The following MYOT variants were observed in gnomAD, a reference collection of about 807,000 sequenced individuals.
MYOT encodes myotilin.
In MYOT, 36 loss-of-function variants were observed where a neutral mutation model predicts 58.0. That is an observed-to-expected ratio of 0.62 (90% confidence interval 0.48 to 0.82). The LOEUF (loss-of-function observed/expected upper bound fraction) is 0.82, where lower values mean the gene tolerates loss of function less well. MYOT is among the 40% of genes least tolerant of loss of function. The pLI is 0.00. For missense variants in MYOT, 505 were observed against 592.1 expected (o/e 0.85, Z 1.53); for synonymous variants, 218 against 204.6 (o/e 1.07, Z -0.56).
chr5:137,876,074 A>G, intron 3 of MYOT, 71 bp downstream of exon 3: 1 of 1,488,498 alleles, frequency 6.7e-7, no homozygotes, highest in African/African-American at 1.4e-5. Flanking sequence ...AGGAAGTTCT[A>G]GCTCACAGAT....
chr5:137,877,384 A>AT, intron 3 of MYOT, 136 bp from the exon 4 acceptor site: 3 of 569,574 alleles, frequency 5.3e-6, no homozygotes, highest in Non-Finnish European at 9.2e-6. Context: ...AAAAAAAAAA[A>AT]AAAAAAATAG....
At position 137,870,913 on chromosome 5, in the gene MYOT, AC is replaced by A; in HGVS notation, c.264del (p.Tyr89IlefsTer41). On this transcript the variant is annotated frameshift_variant, in exon 2 of 10. Transcript: ENST00000239926. LOFTEE classifies it high-confidence loss of function. ...GSNPGQRVTT[T>X]YNQSPASFLS... ...CAACCCAGGCCAAAGGGTTACAACC[AC>A]CTATAACCAGTCCCCAGCCAGCTTC... The A allele has an allele frequency of 6.2e-7, 1 of 1,614,096 alleles. No homozygotes were observed. The highest frequency in any genetic ancestry group is 8.5e-7 in the Non-Finnish European group (1 of 1,179,984).
chr5:137,870,757 A>G lies in MYOT; in HGVS notation c.106A>G (p.Lys36Glu), dbSNP rs778881316. 6.2e-6 allele frequency: 10 copies of G among 1,614,050 alleles called. No individual in the cohort carries two copies. The highest frequency in any genetic ancestry group is 8.5e-6 in the Non-Finnish European group (10 of 1,180,012). ...AACCTCCAGCTTCTCTAGCCAGACC[A>G]AACAGTCTTCCATTATCATCCAGCC... ...PETSSFSSQT[K>E]QSSIIIQPRQ... Residue 36 changes from lysine to glutamate, a missense_variant, in exon 2 of 10, where the codon AAA (lysine) becomes GAA (glutamate). Lys to Glu is a moderately conservative substitution (Grantham distance 56). Transcript: ENST00000239926.
At chr5:137,868,439 T>C (rs1278485937) in intron 1 of MYOT, among the ~76,000 whole-genome samples, 1 of 152,170 alleles carries the variant, frequency 6.6e-6, no homozygotes, top group African/African-American at 2.4e-5. Flanking sequence ...TGTTGAACAG[T>C]AACTACAAAC....
chr5:137,879,444 G>C (rs1221578220), intron 4 of MYOT, among the ~76,000 whole-genome samples: 1 of 149,722 alleles, frequency 6.7e-6, no homozygotes, highest in Admixed American at 6.6e-5. Flanking sequence ...GAAGATTATA[G>C]CAAAAATGAG....
Position 137,869,779 on chromosome 5 carries a change from G to A in MYOT, c.-211-662G>A, listed in dbSNP as rs528169904. On this transcript the variant is annotated intron_variant, in intron 1 of 9. Coordinates refer to ENST00000239926, the MANE Select transcript of MYOT (RefSeq NM_006790.3). ...GAACATCAAGACCAACAACTAGGAA[G>A]TATAATCTAAAAATAACAGAATTAT... Among the ~76,000 whole-genome samples the A allele has an allele frequency of 2.0e-5, 3 of 152,140 alleles. 1 individual carries two copies. The highest frequency in any genetic ancestry group is 6.8e-3 in the Middle Eastern group (2 of 294).
At chr5:137,880,463 T>C (rs1293717680) in intron 4 of MYOT, among the ~76,000 whole-genome samples, 3 of 152,206 alleles carry the variant, frequency 2.0e-5, no homozygotes, top group African/African-American at 7.2e-5. Flanking sequence ...CTATTCCTGT[T>C]TTACTAAAGG....
chr5:137,874,021 T>A (rs1055130301), intron 2 of MYOT, among the ~76,000 whole-genome samples: 4 of 152,234 alleles, frequency 2.6e-5, no homozygotes, highest in Non-Finnish European at 4.4e-5. Context: ...CAAGTCCTTT[T>A]AATGATCCTT....
Position 137,887,393 on chromosome 5 carries a change from A to G in MYOT, c.*8A>G, listed in dbSNP as rs1199273385. On this transcript the variant is annotated 3_prime_UTR_variant, in exon 10 of 10. Transcript: ENST00000239926. The stretch of plus-strand genomic sequence containing the variant: ...GAAAGTGAAGAACTTTAATAACTTT[A>G]CCAACATTGGAAAACAGCCAACTAC... 3 of 1,613,740 alleles carry G rather than the reference A, an allele frequency of 1.9e-6. No individual in the cohort carries two copies. The highest frequency in any genetic ancestry group is 2.2e-5 in the East Asian group (1 of 44,852).
rs753470821 is a variant in MYOT at position 137,877,512 on chromosome 5, C to T, written c.532-8C>T. The T allele has an allele frequency of 1.9e-6, 3 of 1,590,246 alleles. No individual in the cohort carries two copies. In the Admixed American group the frequency reaches 5.0e-5, roughly 27 times the overall value. ...AATCTAATTACTGTCTCAATAAATT[C>T]TCTAAAGCGTCTAACATATGAAGAG... is the stretch of plus-strand genomic sequence containing the variant. On this transcript the variant is annotated splice_polypyrimidine_tract_variant and splice_region_variant and intron_variant, in intron 3 of 9. Transcript: ENST00000239926.
At position 137,870,667 on chromosome 5, in the gene MYOT, C is replaced by G. The variant is rs1264310581; in HGVS notation, c.16C>G (p.Arg6Gly). 5.0e-6 allele frequency: 8 copies of G among 1,614,012 alleles called. No individual in the cohort carries two copies. The highest frequency in any genetic ancestry group is 1.1e-5 in the South Asian group (1 of 91,076). Residue 6 changes from arginine to glycine, a missense_variant, in exon 2 of 10, where the codon CGT becomes GGT. Physicochemically the swap from Arg to Gly is moderately radical, Grantham distance 125. Transcript: ENST00000239926. MFNYERPKHFIQSQNP... is the reference protein window; with the variant it reads MFNYEGPKHFIQSQNP... ...CCAACTAAGCATGTTTAACTACGAA[C>G]GTCCAAAACACTTCATCCAGTCCCA...
At chr5:137,876,271 T>C (rs1755217543) in intron 3 of MYOT, 1 of 430,362 alleles carries the variant, frequency 2.3e-6, no homozygotes, top group Admixed American at 3.9e-5. Flanking sequence ...TCATAAAATA[T>C]GTCTGATGCC....
intron 7 of MYOT, 92 bp from the exon 8 acceptor site, chr5:137,885,956 A>T: frequency 1.2e-6 from 1 of 835,840 alleles, no homozygotes; most frequent in Non-Finnish European, 1.9e-6. Flanking sequence ...TTAACATTTT[A>T]ATATCAACAT....
intron 7 of MYOT, among the ~76,000 whole-genome samples, chr5:137,885,797 A>G (rs1021013806): frequency 2.9e-4 from 43 of 149,972 alleles, no homozygotes; most frequent in African/African-American, 9.9e-4. Context: ...AAAAAAAAAA[A>G]AAAAGAATAT....
chr5:137,880,995 T>C (rs1755411946), intron 5 of MYOT, 130 bp downstream of exon 5: 3 of 708,786 alleles, frequency 4.2e-6, no homozygotes, highest in Non-Finnish European at 7.0e-6. Context: ...TATTTTCTAA[T>C]GTCTGAGAAG....
At chr5:137,869,183 G>A (rs1487664979) in intron 1 of MYOT, among the ~76,000 whole-genome samples, 1 of 152,112 alleles carries the variant, frequency 6.6e-6, no homozygotes, top group East Asian at 1.9e-4. Flanking sequence ...TTTCAATGAT[G>A]ACAAACAATT....
At chr5:137,876,197 G>A in intron 3 of MYOT, 194 bp downstream of exon 3, 2 of 596,650 alleles carry the variant, frequency 3.4e-6, no homozygotes, top group South Asian at 2.2e-5. Flanking sequence ...GTAAAAGAAT[G>A]AAGCAAATGA....
rs763697514 is a variant in MYOT, at chr5:137,877,599, A to T, written c.611A>T (p.Asp204Val). ...GCTGCTGTGTTTCAAGCTCAGGATG[A>T]CAGTGGTGCACAAGACTCGCAGGTA... ...NAAAVFQAQD[D>V]SGAQDSQQHN... is the part of the protein sequence containing the mutation. The change falls in exon 4 of 10, where the codon GAC becomes GTC. Residue 204 changes from aspartate to valine, a missense_variant. Asp to Val is a radical substitution (Grantham distance 152, BLOSUM62 -3). Transcript: ENST00000239926. 1.2e-6 allele frequency: 2 copies of T among 1,613,404 alleles called. No homozygotes were observed. The highest frequency in any genetic ancestry group is 1.7e-6 in the Non-Finnish European group (2 of 1,179,382).
At position 137,887,574 on chromosome 5, in the gene MYOT, G is replaced by A. The variant is rs1163546643; in HGVS notation, c.*189G>A. 8 of 313,602 alleles carry A rather than the reference G, an allele frequency of 2.6e-5. No homozygotes were observed. Among genetic ancestry groups the A allele is most frequent in the Non-Finnish European group, 4.3e-5 (8 of 184,708 alleles). 19.4% of individuals were successfully genotyped at this position (313,602 alleles called of 1,614,324 possible). A position where few individuals can be genotyped will look rare whatever the true frequency, so the allele number is the denominator to read the frequency against. ...TCTATGTACCCCTCCGATTTGTGAA[G>A]CCTACAGGAAATCTGGGTATATGGA... On this transcript the variant is annotated 3_prime_UTR_variant, in exon 10 of 10. Coordinates refer to ENST00000239926, the MANE Select transcript of MYOT (RefSeq NM_006790.3).
Sources: gnomAD v4.1 joint callset for allele counts (sites outside exome capture counted in the v4.1 genomes callset) on GRCh38, gnomAD v4.1.1 for gene constraint, MANE v1.5 for transcripts, NCBI Gene and HGNC (gene_info 2026-07-23, HGNC 2026-07-21) for gene names.